ACVR2A: variants seen among roughly 807,000 people sequenced by gnomAD.
ACVR2A encodes the protein activin receptor type-2A.
In ACVR2A, 7 loss-of-function variants were observed where a neutral mutation model predicts 61.4. The observed-to-expected ratio is 0.11, with a 90% CI of 0.06 to 0.21. The LOEUF is 0.21. Ranked by LOEUF, ACVR2A falls within the 10% of genes least tolerant of loss-of-function variation. The probability of loss-of-function intolerance (pLI) is 1.00; values close to 1 mark genes in which losing one functional copy is unlikely to be tolerated. For synonymous variants in ACVR2A, 193 were observed against 208.3 expected, an observed-to-expected ratio of 0.93 and a Z score of 0.63; for missense variants, 322 against 621.7, an observed-to-expected ratio of 0.52 and a Z score of 5.13.
chr2:147,925,670 G>A (rs1009570106), intron 9 of ACVR2A: 14 of 164,946 alleles, frequency 8.5e-5, no homozygotes, highest in East Asian at 1.7e-4. Context: ...TTAACATTCT[G>A]ATCTGAATTG....
intron 5 of ACVR2A, among the ~76,000 whole-genome samples, chr2:147,916,793 G>T (rs1421199566): frequency 2.0e-5 from 3 of 151,886 alleles, no homozygotes; most frequent in Non-Finnish European, 4.4e-5. Context: ...TTTGCCCCTT[G>T]CTTTCTCATA....
chr2:147,909,073 G>A (rs774750121), intron 4 of ACVR2A, among the ~76,000 whole-genome samples: 3 of 152,080 alleles, frequency 2.0e-5, no homozygotes, highest in Admixed American at 2.0e-4. Flanking sequence ...CTGGTTCTCA[G>A]TAAATGGAAC....
At chr2:147,896,781 G>A (rs887832761) in intron 2 of ACVR2A, 2 of 276,340 alleles carry the variant, frequency 7.2e-6, no homozygotes, top group African/African-American at 2.2e-5. Context: ...ATATTGTTAC[G>A]ATTATAAACT....
At chr2:147,895,370 A>G (rs1207299304) in intron 1 of ACVR2A, among the ~76,000 whole-genome samples, 1 of 152,204 alleles carries the variant, frequency 6.6e-6, no homozygotes, top group Non-Finnish European at 1.5e-5. Flanking sequence ...GATGCTAATC[A>G]TCTCAGCTTG....
Position 147,915,246 on chromosome 2 carries a change from T to C in ACVR2A, c.584T>C (p.Leu195Ser). 2.5e-6 allele frequency: 4 copies of C among 1,612,412 alleles called. No individual in the cohort carries two copies. Among genetic ancestry groups the C allele is most frequent in the Non-Finnish European group, 3.4e-6 (4 of 1,178,792 alleles). The change falls in exon 5 of 11, where the codon TTA becomes TCA. Residue 195 changes from leucine to serine, a missense_variant. Transcript: ENST00000241416. ...PLLGLKPLQL[L>S]EVKARGRFGC... Reference sequence around the variant, plus strand: ...CTAGGTTTGAAACCACTGCAGTTATTAGAAGTGAAAGCAAGGGGAAGATTT... The same window carrying C: ...CTAGGTTTGAAACCACTGCAGTTATCAGAAGTGAAAGCAAGGGGAAGATTT...
intron 7 of ACVR2A, 118 bp from the exon 8 acceptor site, chr2:147,920,112 C>T (rs16828025): frequency 0.011 from 7,588 of 671,414 alleles, 92 homozygotes; most frequent in African/African-American, 0.044. Context: ...CTCTGCATTT[C>T]ATAATTTTAA....
chr2:147,898,646 C>T (rs1232349229), intron 2 of ACVR2A, among the ~76,000 whole-genome samples: 3 of 151,956 alleles, frequency 2.0e-5, no homozygotes, highest in East Asian at 3.9e-4. Context: ...TTAAGTTCAT[C>T]TGATGTTGAT....
Position 147,927,297 on chromosome 2 carries a change from TAAGA to T in ACVR2A, c.*26_*29del. 6.3e-7 allele frequency: 1 copy of T among 1,589,420 alleles called. No homozygotes were observed. Among genetic ancestry groups the T allele is most frequent in the East Asian group, 2.3e-5 (1 of 43,570 alleles). On this transcript the variant is annotated 3_prime_UTR_variant, in exon 11 of 11. Coordinates refer to ENST00000241416, the MANE Select transcript of ACVR2A (RefSeq NM_001616.5). Reference sequence around the variant, plus strand: ...TGATGGTTGCGCCATCTGTGCACACTAAGAAATGGGACTCTGAACTGGAGCTGCT... The same window carrying T: ...TGATGGTTGCGCCATCTGTGCACACTAATGGGACTCTGAACTGGAGCTGCT...
rs114710451 is a variant in ACVR2A, at chr2:147,930,605, A to G, written c.*3331A>G. The G allele has an allele frequency of 3.0e-4, 45 of 152,490 alleles. No individual in the cohort carries two copies. Among genetic ancestry groups the G allele is most frequent in the African/African-American group, 1.1e-3 (44 of 41,512 alleles). The allele number at this position is 152,490 out of a possible 1,614,324, so 9.4% of individuals were successfully genotyped here. ...ATTTGTTACCTCTCAGAATATTGGT[A>G]AGCAGTTATTTTCGCTTTACTCTGT... On this transcript the variant is annotated 3_prime_UTR_variant, in exon 11 of 11. Coordinates refer to ENST00000241416, the MANE Select transcript of ACVR2A (RefSeq NM_001616.5).
At chr2:147,851,939 G>A (rs1040641376) in intron 1 of ACVR2A, among the ~76,000 whole-genome samples, 2 of 151,990 alleles carry the variant, frequency 1.3e-5, no homozygotes, top group African/African-American at 4.8e-5. Flanking sequence ...GGTGAACTTG[G>A]ATTAGATGAT....
At chr2:147,889,739 T>G (rs985410751) in intron 1 of ACVR2A, among the ~76,000 whole-genome samples, 2 of 151,392 alleles carry the variant, frequency 1.3e-5, no homozygotes, top group Non-Finnish European at 2.9e-5. Flanking sequence ...AGAGTGAGAC[T>G]CCGTCTCAAA....
chr2:147,854,798 C>T (rs182852438), intron 1 of ACVR2A, among the ~76,000 whole-genome samples: 26 of 152,202 alleles, frequency 1.7e-4, no homozygotes, highest in Admixed American at 3.3e-4. Flanking sequence ...GATTGTCATA[C>T]GTGCTCGGAC....
At chr2:147,884,941 T>G (rs1033947550) in intron 1 of ACVR2A, among the ~76,000 whole-genome samples, 1 of 152,170 alleles carries the variant, frequency 6.6e-6, no homozygotes, top group Non-Finnish European at 1.5e-5. Context: ...TATAGAATGC[T>G]GTAGTCCAAT....
chr2:147,924,268 C>T (rs1171172239), intron 9 of ACVR2A, among the ~76,000 whole-genome samples: 1 of 151,936 alleles, frequency 6.6e-6, no homozygotes, highest in East Asian at 1.9e-4. Flanking sequence ...ATGAACTCTC[C>T]ATAACAAATC....
rs774024663 is a variant in ACVR2A at position 147,922,964 on chromosome 2, C to CT, written c.1078-4dup. The CT allele has an allele frequency of 3.1e-6, 5 of 1,597,158 alleles. No homozygotes were observed. Among genetic ancestry groups the CT allele is most frequent in the Non-Finnish European group, 4.3e-6 (5 of 1,175,158 alleles). On this transcript the variant is annotated splice_polypyrimidine_tract_variant and intron_variant, in intron 8 of 10. Coordinates refer to ENST00000241416, the MANE Select transcript of ACVR2A (RefSeq NM_001616.5). ...AATGAGTACTCTTTGCTTTTAACAT[C>CT]TTTTTCAGGTTGGTACCCGGAGGTA...
At chr2:147,890,988 A>G (rs1686568755) in intron 1 of ACVR2A, among the ~76,000 whole-genome samples, 1 of 152,144 alleles carries the variant, frequency 6.6e-6, no homozygotes, top group Admixed American at 6.5e-5. Context: ...CCTTAATCCT[A>G]TCTACCTTAA....
intron 5 of ACVR2A, among the ~76,000 whole-genome samples, chr2:147,916,029 T>A (rs1260150694): frequency 6.6e-6 from 1 of 151,910 alleles, no homozygotes; most frequent in Non-Finnish European, 1.5e-5. Context: ...GGATTTGGTG[T>A]TGCAGGCTCT....
chr2:147,899,148 CTT>C, intron 2 of ACVR2A, among the ~76,000 whole-genome samples: 1 of 151,976 alleles, frequency 6.6e-6, no homozygotes. Context: ...CCTCTTCAAG[CTT>C]TTCTAATAAT....
At chr2:147,868,691 A>T (rs1426250098) in intron 1 of ACVR2A, among the ~76,000 whole-genome samples, 1 of 151,770 alleles carries the variant, frequency 6.6e-6, no homozygotes, top group Non-Finnish European at 1.5e-5. Context: ...GAGTGCAGTG[A>T]CGGGAACATG....
Sources: allele counts gnomAD v4.1 joint callset (sites outside exome capture counted in the v4.1 genomes callset), GRCh38; gene constraint gnomAD v4.1.1; transcripts MANE v1.5; gene names NCBI Gene and HGNC (gene_info 2026-07-23, HGNC 2026-07-21).